The following AKT3 variants were observed in gnomAD, a reference collection of about 807,000 sequenced individuals.
The protein encoded by AKT3 is RAC-gamma serine/threonine-protein kinase.
A neutral mutation model predicts 65.3 loss-of-function variants in AKT3; 15 were observed. That is an observed-to-expected ratio of 0.23 (90% CI 0.15 to 0.35). The LOEUF (loss-of-function observed/expected upper bound fraction) is 0.35. Among genes scored for constraint, AKT3 ranks in the 10% least tolerant of loss-of-function variants. The pLI, the probability that AKT3 is intolerant of heterozygous loss-of-function variation, is 1.00. For synonymous variants in AKT3, 206 were observed against 183.8 expected, an observed-to-expected ratio of 1.12 and a Z score of -0.98; for missense variants, 243 against 576.5, an observed-to-expected ratio of 0.42 and a Z score of 5.92.
In AKT3 at chr1:243,614,740, T is replaced by C. The variant is rs538097457; in HGVS notation, c.627+356A>G. 9.2e-5 allele frequency among the ~76,000 whole-genome samples: 14 copies of C among 152,210 alleles called. No homozygotes were observed. The East Asian group carries it at 1.9e-3, about 21-fold the overall frequency. ...TTATCAGAAGCCAATAAAACAAACA[T>C]AAAATCTTTACATTTAAGAAATTTT... On this transcript the variant is annotated intron_variant, in intron 7 of 13. Coordinates refer to ENST00000673466, the MANE Select transcript of AKT3 (RefSeq NM_005465.7).
intron 2 of AKT3, among the ~76,000 whole-genome samples, chr1:243,803,919 G>C (rs1350700739): frequency 3.3e-5 from 5 of 152,180 alleles, no homozygotes; most frequent in African/African-American, 1.2e-4. Flanking sequence ...GTGAGAAGGA[G>C]TCTATCTTCC....
chr1:243,502,157 C>G lies in AKT3; in HGVS notation c.*3092G>C. Reference sequence around the variant, plus strand: ...TTTCATGCTTGCCTGTAATGCACTACCAGGAGCAAGATAAGGAAATTCTAC... The same window carrying G: ...TTTCATGCTTGCCTGTAATGCACTAGCAGGAGCAAGATAAGGAAATTCTAC... On this transcript the variant is annotated 3_prime_UTR_variant, in exon 14 of 14. Coordinates refer to ENST00000673466, the MANE Select transcript of AKT3 (RefSeq NM_005465.7). 4.3e-6 allele frequency: 1 copy of G among 231,708 alleles called. No homozygotes were observed. The highest frequency in any genetic ancestry group is 8.5e-6 in the Non-Finnish European group (1 of 117,174). 14.4% of individuals were successfully genotyped at this position (231,708 alleles called of 1,614,324 possible). A position where few individuals can be genotyped will look rare whatever the true frequency, so the allele number is the denominator to read the frequency against.
At chr1:243,747,988 G>A (rs967246855) in intron 2 of AKT3, among the ~76,000 whole-genome samples, 2 of 152,136 alleles carry the variant, frequency 1.3e-5, no homozygotes, top group Non-Finnish European at 2.9e-5. Flanking sequence ...CCTGTAAATT[G>A]TTTTATACTA....
chr1:243,764,248 T>A (rs570924403), intron 2 of AKT3, among the ~76,000 whole-genome samples: 58 of 152,140 alleles, frequency 3.8e-4, no homozygotes, highest in Non-Finnish European at 2.2e-4. Context: ...TCCCTTTTAA[T>A]CTGTTGTCAT....
At chr1:243,598,796 A>G (rs1299308142) in intron 8 of AKT3, among the ~76,000 whole-genome samples, 1 of 152,184 alleles carries the variant, frequency 6.6e-6, no homozygotes, top group Non-Finnish European at 1.5e-5. Context: ...CTCTGTTGCC[A>G]TTATATTTAT....
intron 2 of AKT3, among the ~76,000 whole-genome samples, chr1:243,787,223 GACA>G (rs1356342783): frequency 2.0e-5 from 3 of 152,206 alleles, no homozygotes; most frequent in Non-Finnish European, 2.9e-5. Context: ...AACCTAGTAA[GACA>G]ACATTTCAAT....
intron 2 of AKT3, among the ~76,000 whole-genome samples, chr1:243,811,980 T>C (rs1693190154): frequency 6.6e-6 from 1 of 152,152 alleles, no homozygotes; most frequent in Admixed American, 6.5e-5. Context: ...TGTAGAAAGC[T>C]GAAACTGGAT....
chr1:243,602,082 G>T (rs1242092813), intron 8 of AKT3, among the ~76,000 whole-genome samples: 1 of 152,156 alleles, frequency 6.6e-6, no homozygotes, highest in Admixed American at 6.5e-5. Context: ...CTTGATCTGA[G>T]ATTTTAGATT....
chr1:243,731,212 T>A (rs935670010), intron 2 of AKT3, among the ~76,000 whole-genome samples: 1 of 152,158 alleles, frequency 6.6e-6, no homozygotes, highest in African/African-American at 2.4e-5. Flanking sequence ...AAGCAAAAAA[T>A]ATATATAATA....
rs993922063 is a variant in AKT3 at position 243,662,333 on chromosome 1, G to T, written c.284+2439C>A. On this transcript the variant is annotated intron_variant, in intron 4 of 13. Coordinates refer to ENST00000673466, the MANE Select transcript of AKT3 (RefSeq NM_005465.7). ...AATGTCCAACAATGATAGACTGGAT[G>T]AAGAAAATGTGGCATAAATACACCA... Among the ~76,000 whole-genome samples the T allele has an allele frequency of 1.4e-3, 209 of 152,142 alleles. 1 individual carries two copies. The highest frequency in any genetic ancestry group is 3.4e-3 in the Middle Eastern group (1 of 294).
At chr1:243,546,011 G>A (rs1672646840) in intron 11 of AKT3, among the ~76,000 whole-genome samples, 1 of 152,156 alleles carries the variant, frequency 6.6e-6, no homozygotes, top group Admixed American at 6.5e-5. Flanking sequence ...ATCTTGAACT[G>A]TAGCTCCCAT....
At chr1:243,846,593 TGATTA>T (rs1695533753) in intron 1 of AKT3, among the ~76,000 whole-genome samples, 1 of 152,194 alleles carries the variant, frequency 6.6e-6, no homozygotes, top group African/African-American at 2.4e-5. Flanking sequence ...ACATCTAATT[TGATTA>T]AAGACTATGA....
chr1:243,674,419 T>A (rs1558706684), intron 3 of AKT3, among the ~76,000 whole-genome samples: 3 of 152,184 alleles, frequency 2.0e-5, no homozygotes, highest in African/African-American at 7.2e-5. Context: ...CAATATGAAG[T>A]ACACAGACTC....
At chr1:243,531,908 T>A (rs1180226364) in intron 12 of AKT3, among the ~76,000 whole-genome samples, 2 of 152,222 alleles carry the variant, frequency 1.3e-5, no homozygotes, top group African/African-American at 4.8e-5. Context: ...CAATTTTACA[T>A]TGTTGATAGC....
At chr1:243,581,205 T>G (rs1402440675) in intron 8 of AKT3, among the ~76,000 whole-genome samples, 1 of 152,202 alleles carries the variant, frequency 6.6e-6, no homozygotes, top group African/African-American at 2.4e-5. Context: ...GACCTGTAGG[T>G]GGACCTGTCA....
intron 9 of AKT3, 32 bp from the exon 10 acceptor site, chr1:243,563,880 C>T: frequency 6.3e-7 from 1 of 1,582,248 alleles, no homozygotes; most frequent in Non-Finnish European, 8.6e-7. Context: ...ATAATTTGTT[C>T]TATAGTCTTC....
rs58911364 is a variant in AKT3, at chr1:243,699,465, C to CTATATATATATATA, written c.47-3763_47-3750dup. ...AAGACTTCCAACCCAACCTCTTCCA[C>CTATATATATATATA]TATATATATATATATATATATATAT... is the stretch of plus-strand genomic sequence containing the variant. On this transcript the variant is annotated intron_variant, in intron 2 of 13. Transcript: ENST00000673466. 1.6e-3 allele frequency among the ~76,000 whole-genome samples: 164 copies of CTATATATATATATA among 103,554 alleles called. 4 individuals carry two copies. The highest frequency in any genetic ancestry group is 2.5e-3 in the African/African-American group (51 of 20,444). The allele number at this position is 103,554 out of a possible 152,430, so 67.9% of individuals were successfully genotyped here.
At chr1:243,811,552 C>T (rs886949821) in intron 2 of AKT3, among the ~76,000 whole-genome samples, 3 of 152,144 alleles carry the variant, frequency 2.0e-5, no homozygotes, top group Non-Finnish European at 2.9e-5. Flanking sequence ...ACATTCCATG[C>T]TCATGGATAG....
intron 4 of AKT3, among the ~76,000 whole-genome samples, chr1:243,649,831 G>T (rs952471328): frequency 4.6e-5 from 7 of 152,122 alleles, no homozygotes; most frequent in African/African-American, 1.7e-4. Context: ...CATTTGGGTT[G>T]GTTCCAAGTC....
Sources: gnomAD v4.1 joint callset for allele counts (sites outside exome capture counted in the v4.1 genomes callset) on GRCh38, gnomAD v4.1.1 for gene constraint, MANE v1.5 for transcripts, NCBI Gene and HGNC (gene_info 2026-07-23, HGNC 2026-07-21) for gene names.